EVC: variants seen among roughly 807,000 people sequenced by gnomAD.
EVC encodes the protein EvC ciliary complex subunit 1.
A neutral mutation model predicts 118.9 loss-of-function variants in EVC; 116 were observed. The observed-to-expected ratio is 0.98, with a 90% confidence interval of 0.84 to 1.14. EVC has a LOEUF of 1.14. EVC is among the 50% of genes most tolerant of loss of function. EVC has a pLI of 0.00. For synonymous variants in EVC, 619 were observed against 534.7 expected (o/e 1.16, Z -2.18); for missense variants, 1,401 against 1,246.4 (o/e 1.12, Z -1.87).
chr4:5,806,282 A>G (rs1715895562), intron 17 of EVC, among the ~76,000 whole-genome samples: 1 of 150,532 alleles, frequency 6.6e-6, no homozygotes, highest in African/African-American at 2.4e-5. Flanking sequence ...GGGTTTTACC[A>G]TGTTGGCCAG....
chr4:5,818,623 G>C (rs1718031758), downstream of EVC, among the ~76,000 whole-genome samples: 1 of 152,140 alleles, frequency 6.6e-6, no homozygotes, highest in Non-Finnish European at 1.5e-5. Context: ...AGCGGGACCA[G>C]CAGCTTTATA....
chr4:5,751,462 G>A (rs1212052559), intron 8 of EVC, among the ~76,000 whole-genome samples: 1 of 152,242 alleles, frequency 6.6e-6, no homozygotes, highest in African/African-American at 2.4e-5. Flanking sequence ...GGCCCACCTG[G>A]CACCTCCGCT....
In EVC at chr4:5,782,612, T is replaced by G. The variant is rs28635940; in HGVS notation, c.1564-940T>G. Reference sequence around the variant, plus strand: ...CAGGTGTTTAATATTATTATTATGGTGTGGGTTTGTTTTTCATGATTTTTA... The same window carrying G: ...CAGGTGTTTAATATTATTATTATGGGGTGGGTTTGTTTTTCATGATTTTTA... On this transcript the variant is annotated intron_variant, in intron 11 of 20. Transcript: ENST00000264956. 2.8e-3 allele frequency among the ~76,000 whole-genome samples: 370 copies of G among 130,972 alleles called. 2 individuals carry two copies. Among genetic ancestry groups the G allele is most frequent in the African/African-American group, 9.4e-3 (339 of 36,136 alleles). The allele number at this position is 130,972 out of a possible 152,430, so 85.9% of individuals were successfully genotyped here.
rs1731163060 is a variant in EVC at position 5,756,304 on chromosome 4, G to A, written c.1505G>A (p.Cys502Tyr). 1 of 1,612,914 alleles carries A rather than the reference G, an allele frequency of 6.2e-7. No individual in the cohort carries two copies. Among genetic ancestry groups the A allele is most frequent in the Non-Finnish European group, 8.5e-7 (1 of 1,179,812 alleles). ...EVLERQRLMQ[C>Y]DLEEEENVRA... ...CTGGAGAGGCAGAGGCTGATGCAGT[G>A]TGACCTGGAGGAAGAGGAGAATGTC... Residue 502 changes from cysteine (C) to tyrosine (Y), a missense_variant, in exon 11 of 21, where the codon TGT becomes TAT. Coordinates refer to ENST00000264956, the MANE Select transcript of EVC (RefSeq NM_153717.3). The surrounding 1 kb of genome is among the most constrained non-coding windows in gnomAD (Gnocchi z 4.2).
intron 9 of EVC, among the ~76,000 whole-genome samples, chr4:5,753,514 G>A (rs551940065): frequency 1.3e-5 from 2 of 152,182 alleles, no homozygotes; most frequent in African/African-American, 4.8e-5. Context: ...AAGGGGAGCC[G>A]TGCATGTGTC....
chr4:5,746,914 C>T lies in EVC; in HGVS notation c.940-1234C>T, dbSNP rs1026194067. Among the ~76,000 whole-genome samples, 4 of 152,016 alleles carry T rather than the reference C, an allele frequency of 2.6e-5. No individual in the cohort carries two copies. The highest frequency in any genetic ancestry group is 5.9e-5 in the Non-Finnish European group (4 of 68,016). On this transcript the variant is annotated intron_variant, in intron 7 of 20. Transcript: ENST00000264956. This position sits in a 1 kb window ranked among gnomAD's most constrained non-coding sequence, Gnocchi z 5.8. ...CAGGAGAAAATCATGTCATGGACGC[C>T]AAGAGAATCAGGAGTTTGTAAGCAG...
intron 11 of EVC, among the ~76,000 whole-genome samples, chr4:5,778,551 A>T (rs1425619324): frequency 9.8e-4 from 149 of 152,044 alleles, no homozygotes; most frequent in Admixed American, 1.2e-3. Context: ...TGAGATGATA[A>T]CTCATTGTGG....
In EVC at chr4:5,719,115, A is replaced by G; in HGVS notation, c.175-133A>G. 5.8e-6 allele frequency: 7 copies of G among 1,214,984 alleles called. No homozygotes were observed. The South Asian group carries it at 7.3e-5, about 13-fold the overall frequency. 75.3% of individuals were successfully genotyped at this position (1,214,984 alleles called of 1,614,324 possible). A position where few individuals can be genotyped will look rare whatever the true frequency, so the allele number is the denominator to read the frequency against. On this transcript the variant is annotated intron_variant, in intron 1 of 20. Coordinates refer to ENST00000264956, the MANE Select transcript of EVC (RefSeq NM_153717.3). This position sits in a 1 kb window ranked among gnomAD's most constrained non-coding sequence, Gnocchi z 4.7. Reference sequence around the variant, plus strand: ...CGTCACACACAGAAGACCAAGCTTGAGAAGCACAGAGGCGAGCAGAAGTGG... The same window carrying G: ...CGTCACACACAGAAGACCAAGCTTGGGAAGCACAGAGGCGAGCAGAAGTGG...
At chr4:5,770,244 T>G (rs7686087) in intron 11 of EVC, among the ~76,000 whole-genome samples, 58,116 of 151,944 alleles carry the variant, frequency 0.38, 11,488 homozygotes, top group Middle Eastern at 0.51. Context: ...TGGCTGACCC[T>G]CCGCCCCCAC....
chr4:5,717,032 C>A (rs1005245358), intron 1 of EVC, among the ~76,000 whole-genome samples: 9 of 152,158 alleles, frequency 5.9e-5, no homozygotes, highest in Admixed American at 5.9e-4. Context: ...GATCGAGAAT[C>A]ATTTTCTTGA....
At chr4:5,722,071 C>T (rs1276616139) in intron 2 of EVC, among the ~76,000 whole-genome samples, 6 of 152,250 alleles carry the variant, frequency 3.9e-5, no homozygotes, top group African/African-American at 1.4e-4. Context: ...GGAACCCAGT[C>T]CCAGCTCTGC....
At chr4:5,716,808 G>A (rs373462954) in intron 1 of EVC, among the ~76,000 whole-genome samples, 1 of 152,180 alleles carries the variant, frequency 6.6e-6, no homozygotes. Context: ...AAAAAGGGGG[G>A]ACTCTGCTTC....
At chr4:5,815,712 C>A (rs1467879874), downstream of EVC, among the ~76,000 whole-genome samples, 1 of 152,178 alleles carries the variant, frequency 6.6e-6, no homozygotes, top group African/African-American at 2.4e-5. Flanking sequence ...GATTATTCTC[C>A]CCTAAATGTT....
intron 9 of EVC, 28 bp from the exon 10 acceptor site, chr4:5,753,757 C>T (rs772689168): frequency 1.2e-6 from 2 of 1,614,134 alleles, no homozygotes; most frequent in Non-Finnish European, 1.7e-6. Flanking sequence ...AGAGTCACCT[C>T]CTATGCTGTG....
chr4:5,768,924 T>C (rs1435669475), intron 11 of EVC, among the ~76,000 whole-genome samples: 1 of 152,094 alleles, frequency 6.6e-6, no homozygotes, highest in Non-Finnish European at 1.5e-5. Context: ...GAACAGGCTC[T>C]CAAGGTACCC....
chr4:5,759,243 G>A (rs1287822114), intron 11 of EVC, among the ~76,000 whole-genome samples: 1 of 144,654 alleles, frequency 6.9e-6, no homozygotes, highest in Admixed American at 6.8e-5. Flanking sequence ...CCTGCCGACT[G>A]CAGGAGACGT....
At chr4:5,821,967 C>A in the EVC span, 1 of 889,336 alleles carries the variant, frequency 1.1e-6, no homozygotes, top group South Asian at 2.0e-5. The surrounding 1 kb of genome is among the most constrained non-coding windows in gnomAD (Gnocchi z 4.4). Flanking sequence ...ATTCAGGGCT[C>A]AGTCCAGGAC....
chr4:5,810,311 C>T, intron 19 of EVC, 28 bp from the exon 20 acceptor site: 1 of 1,569,660 alleles, frequency 6.4e-7, no homozygotes, highest in East Asian at 2.2e-5. Context: ...GTCACAGAGC[C>T]ATGCCTGGGT....
chr4:5,816,654 TC>T (rs1315690334), downstream of EVC, among the ~76,000 whole-genome samples: 11 of 108,604 alleles, frequency 1.0e-4, no homozygotes, highest in Non-Finnish European at 1.3e-4. Context: ...CTCCCTTCCC[TC>T]CCTCCTTCCC....
Sources: gnomAD v4.1 joint callset for allele counts (sites outside exome capture counted in the v4.1 genomes callset) on GRCh38, gnomAD v4.1.1 for gene constraint, Gnocchi (gnomAD v3.1) non-coding constraint, MANE v1.5 for transcripts, NCBI Gene and HGNC (gene_info 2026-07-23, HGNC 2026-07-21) for gene names.